SIAH1: variants seen among roughly 807,000 people sequenced by gnomAD.
SIAH1 encodes E3 ubiquitin-protein ligase SIAH1.
SIAH1 carries 2 observed loss-of-function variants against 20.0 expected under a neutral mutation model. The observed-to-expected ratio is 0.10, with a 90% confidence interval of 0.04 to 0.31. The LOEUF (loss-of-function observed/expected upper bound fraction) is 0.31, where lower values mean the gene tolerates loss of function less well. Ranked by LOEUF, SIAH1 falls within the 10% of genes least tolerant of loss-of-function variation. The pLI is 1.00. For synonymous variants in SIAH1, 118 were observed against 125.3 expected (o/e 0.94, Z 0.39); for missense variants, 119 against 355.3 (o/e 0.33, Z 5.35).
rs1411728604 is a variant in SIAH1, at chr16:48,385,394, C to G, written c.-193G>C. 6.4e-6 allele frequency: 1 copy of G among 155,480 alleles called. No homozygotes were observed. The highest frequency in any genetic ancestry group is 1.9e-4 in the East Asian group (1 of 5,324). The allele number at this position is 155,480 out of a possible 1,614,324, so 9.6% of individuals were successfully genotyped here. A position where few individuals can be genotyped will look rare whatever the true frequency, so the allele number is the denominator to read the frequency against. On this transcript the variant is annotated 5_prime_UTR_variant, in exon 1 of 2. Transcript: ENST00000394725. ...GGCTCCCCCCTGGCCGCCGCCGCCG[C>G]CGCCGTTTCGCGCGTCCTCGAGCCC...
intron 1 of SIAH1, among the ~76,000 whole-genome samples, chr16:48,377,081 C>G (rs889332835): frequency 2.0e-5 from 3 of 152,156 alleles, no homozygotes; most frequent in East Asian, 3.8e-4. Flanking sequence ...ATACCAAGTA[C>G]GCTGAAATAT....
At chr16:48,373,457 TTC>T (rs1386415445) in intron 1 of SIAH1, among the ~76,000 whole-genome samples, 2 of 152,204 alleles carry the variant, frequency 1.3e-5, no homozygotes, top group Non-Finnish European at 2.9e-5. Context: ...GCCTTGATTC[TTC>T]TCTTTCACAA....
rs371272170 is a variant in SIAH1, at chr16:48,361,572, T to C, written c.*8A>G. The C allele has an allele frequency of 3.6e-5, 58 of 1,609,756 alleles. No individual in the cohort carries two copies. Among genetic ancestry groups the C allele is most frequent in the Non-Finnish European group, 4.6e-5 (54 of 1,177,824 alleles). ...TAAACACTGGCCAGAAAATGTTTGA[T>C]TGCCATTTCAACACATGGAAATAGT... On this transcript the variant is annotated 3_prime_UTR_variant, in exon 2 of 2. Transcript: ENST00000394725.
chr16:48,384,879 C>G (rs1308374855), intron 1 of SIAH1, among the ~76,000 whole-genome samples: 1 of 145,202 alleles, frequency 6.9e-6, no homozygotes, highest in Non-Finnish European at 1.5e-5. Context: ...GCCTCCCGGG[C>G]GCGCGGGGGC....
chr16:48,367,865 A>C (rs1960882148), intron 1 of SIAH1, among the ~76,000 whole-genome samples: 1 of 152,218 alleles, frequency 6.6e-6, no homozygotes, highest in Admixed American at 6.5e-5. Context: ...AAAAATCCAA[A>C]ACTTAGCAAG....
At chr16:48,384,899 G>A (rs1410006163) in intron 1 of SIAH1, among the ~76,000 whole-genome samples, 5 of 145,448 alleles carry the variant, frequency 3.4e-5, no homozygotes, top group African/African-American at 1.2e-4. Context: ...CCGGGCCGCC[G>A]CCGAGGCCCT....
intron 1 of SIAH1, among the ~76,000 whole-genome samples, chr16:48,377,764 G>C (rs1452072843): frequency 6.6e-6 from 1 of 151,880 alleles, no homozygotes; most frequent in Non-Finnish European, 1.5e-5. Flanking sequence ...AGATGGTCAG[G>C]GAAAAGAATA....
intron 1 of SIAH1, among the ~76,000 whole-genome samples, chr16:48,374,341 A>G (rs932732085): frequency 6.6e-6 from 1 of 152,224 alleles, no homozygotes. Flanking sequence ...AGGCAGCAAC[A>G]TCCAAAGTCA....
At chr16:48,376,284 TATC>T (rs984841436) in intron 1 of SIAH1, among the ~76,000 whole-genome samples, 4 of 152,330 alleles carry the variant, frequency 2.6e-5, no homozygotes, top group East Asian at 1.9e-4. Flanking sequence ...ATGCACATTT[TATC>T]ATATCTCCAC....
chr16:48,372,366 A>G (rs1455618593), intron 1 of SIAH1, among the ~76,000 whole-genome samples: 1 of 152,230 alleles, frequency 6.6e-6, no homozygotes, highest in Non-Finnish European at 1.5e-5. Context: ...AGGATGTAAC[A>G]GAAGAATTAA....
chr16:48,365,995 C>T, intron 1 of SIAH1: 1 of 907,220 alleles, frequency 1.1e-6, no homozygotes, highest in South Asian at 5.5e-5. Flanking sequence ...GGGCGCGCGG[C>T]GCACAGGGCG....
chr16:48,362,472 A>T lies in SIAH1; in HGVS notation c.-2-42T>A. 6.3e-7 allele frequency: 1 copy of T among 1,590,836 alleles called. No individual in the cohort carries two copies. The highest frequency in any genetic ancestry group is 8.6e-7 in the Non-Finnish European group (1 of 1,162,452). ...AGGAGGCAGGAGAAAAATAATTATAACCATGACTTACTTTATAAATAATGT... is the reference window on the plus strand; with the variant it reads ...AGGAGGCAGGAGAAAAATAATTATATCCATGACTTACTTTATAAATAATGT... On this transcript the variant is annotated intron_variant, in intron 1 of 1. Transcript: ENST00000394725. The surrounding 1 kb of genome is among the most constrained non-coding windows in gnomAD (Gnocchi z 4.2).
At chr16:48,383,778 T>C (rs991485596) in intron 1 of SIAH1, among the ~76,000 whole-genome samples, 2 of 152,204 alleles carry the variant, frequency 1.3e-5, no homozygotes, top group African/African-American at 4.8e-5. Context: ...ACAAAATGCA[T>C]TGAAAGAAAA....
intron 1 of SIAH1, among the ~76,000 whole-genome samples, chr16:48,381,071 T>C (rs1331719599): frequency 2.0e-5 from 3 of 151,944 alleles, no homozygotes; most frequent in Non-Finnish European, 4.4e-5. Flanking sequence ...AGTTTGGCAA[T>C]TTCTTACAAA....
chr16:48,378,965 T>C (rs1465650422), intron 1 of SIAH1, among the ~76,000 whole-genome samples: 3 of 152,232 alleles, frequency 2.0e-5, no homozygotes, highest in Non-Finnish European at 4.4e-5. Context: ...ACTTCACAAT[T>C]TGTAATTCTG....
chr16:48,378,560 T>C (rs1961173125), intron 1 of SIAH1, among the ~76,000 whole-genome samples: 1 of 152,220 alleles, frequency 6.6e-6, no homozygotes, highest in Admixed American at 6.5e-5. Context: ...TACACATGAT[T>C]TGAGCACTTT....
At chr16:48,368,325 CTGAT>C (rs1567370963) in intron 1 of SIAH1, among the ~76,000 whole-genome samples, 1 of 152,186 alleles carries the variant, frequency 6.6e-6, no homozygotes, top group East Asian at 1.9e-4. Flanking sequence ...AAAGATTAGT[CTGAT>C]TAACAACTGT....
rs1323894067 is a variant in SIAH1 at position 48,361,604 on chromosome 16, G to A, written c.825C>T (p.Ile275=). The change falls in exon 2 of 2, where the codon ATC becomes ATT. Residue 275 remains isoleucine (I), a synonymous_variant. Transcript: ENST00000394725. The part of the protein sequence containing the change: ...QLFAENGNLG[I]NVTISMC ...TTCAACACATGGAAATAGTTACATT[G>A]ATGCCTAAATTGCCATTTTCTGCAA... 2 of 1,612,982 alleles carry A rather than the reference G, an allele frequency of 1.2e-6. No individual in the cohort carries two copies. The highest frequency in any genetic ancestry group is 1.7e-6 in the Non-Finnish European group (2 of 1,179,092).
At chr16:48,368,721 C>T (rs761063449) in intron 1 of SIAH1, among the ~76,000 whole-genome samples, 14 of 151,230 alleles carry the variant, frequency 9.3e-5, no homozygotes, top group Non-Finnish European at 1.8e-4. Flanking sequence ...CCAGCCTGGG[C>T]GACAGAGCAA....
Sources: gnomAD v4.1 joint callset for allele counts (sites outside exome capture counted in the v4.1 genomes callset) on GRCh38, gnomAD v4.1.1 for gene constraint, Gnocchi (gnomAD v3.1) non-coding constraint, MANE v1.5 for transcripts, NCBI Gene and HGNC (gene_info 2026-07-23, HGNC 2026-07-21) for gene names.